The following TLN2 variants were observed in gnomAD, a reference collection of about 807,000 sequenced individuals.
TLN2 encodes talin-2.
A neutral mutation model predicts 294.7 loss-of-function variants in TLN2; 118 were observed. The ratio of observed to expected loss-of-function variants is 0.40; its 90% CI spans 0.34 to 0.47. The LOEUF (loss-of-function observed/expected upper bound fraction) is 0.47. TLN2 is among the 20% of genes least tolerant of loss of function. The pLI is 0.84. For synonymous variants in TLN2, 1,431 were observed against 1,304.5 expected (o/e 1.10, Z -2.09); for missense variants, 3,083 against 3,282.2 (o/e 0.94, Z 1.48).
intron 13 of TLN2, among the ~76,000 whole-genome samples, chr15:62,694,098 G>A (rs2058146166): frequency 1.3e-5 from 2 of 151,610 alleles, no homozygotes; most frequent in African/African-American, 4.9e-5. Context: ...TTCCGGTGTA[G>A]CTGGGATTAC....
chr15:62,549,552 G>A (rs1044520690), intron 1 of TLN2, among the ~76,000 whole-genome samples: 5 of 151,128 alleles, frequency 3.3e-5, no homozygotes, highest in African/African-American at 1.2e-4. Context: ...CAAGAACTCT[G>A]CTGGCCACTA....
intron 10 of TLN2, among the ~76,000 whole-genome samples, chr15:62,674,492 C>G (rs2055890991): frequency 6.8e-6 from 1 of 147,104 alleles, no homozygotes; most frequent in East Asian, 2.0e-4. Flanking sequence ...TGTATTTACC[C>G]TATTCTATGG....
At chr15:62,790,257 C>A (rs1460564197) in intron 45 of TLN2, among the ~76,000 whole-genome samples, 5 of 152,132 alleles carry the variant, frequency 3.3e-5, no homozygotes, top group African/African-American at 1.2e-4. Flanking sequence ...CATTTTAACT[C>A]ATAAAGGAAG....
chr15:62,707,286 C>G, intron 20 of TLN2, 33 bp downstream of exon 20: 1 of 1,569,790 alleles, frequency 6.4e-7, no homozygotes, highest in Non-Finnish European at 8.7e-7. Context: ...CCTTTCTACC[C>G]AGTATCACCT....
chr15:62,423,121 C>T (rs1266867227), intron 1 of TLN2, among the ~76,000 whole-genome samples: 2 of 152,170 alleles, frequency 1.3e-5, no homozygotes, highest in African/African-American at 2.4e-5. Context: ...GGACCTGGTG[C>T]GGTGGCTCAC....
chr15:62,709,083 C>T (rs759814897), intron 21 of TLN2, among the ~76,000 whole-genome samples: 6 of 152,120 alleles, frequency 3.9e-5, no homozygotes, highest in African/African-American at 7.2e-5. Context: ...GTGTTGGGTA[C>T]GGTATGGCAA....
chr15:62,523,438 T>C (rs747626434), intron 1 of TLN2, among the ~76,000 whole-genome samples: 5 of 152,248 alleles, frequency 3.3e-5, no homozygotes, highest in Non-Finnish European at 7.3e-5. Context: ...TGCTAGTGAA[T>C]AGCTGTATGT....
At chr15:62,826,745 C>T (rs1290195094) in intron 54 of TLN2, among the ~76,000 whole-genome samples, 1 of 152,220 alleles carries the variant, frequency 6.6e-6, no homozygotes, top group Non-Finnish European at 1.5e-5. Flanking sequence ...TGGCTGCCTG[C>T]TCCACTCCGG....
At chr15:62,590,619 C>G (rs919645705) in intron 2 of TLN2, among the ~76,000 whole-genome samples, 1 of 152,096 alleles carries the variant, frequency 6.6e-6, no homozygotes, top group Non-Finnish European at 1.5e-5. Context: ...TGCTGGAGCC[C>G]TCCATGGTTG....
In TLN2 at chr15:62,797,309, G is replaced by A. The variant is rs1425016426; in HGVS notation, c.6141G>A (p.Gln2047=). Residue 2047 remains glutamine, a synonymous_variant, in exon 48 of 59, where the codon CAG becomes CAA. Transcript: ENST00000636159. ...CGTCCACTCCTGACAAGCTGGCCCA[G>A]GCGGCCCAGTCCTCAGCAGCCACCA... ...GAASTPDKLA[Q]AAQSSAATIT... 6.2e-7 allele frequency: 1 copy of A among 1,613,798 alleles called. No homozygotes were observed. The highest frequency in any genetic ancestry group is 8.5e-7 in the Non-Finnish European group (1 of 1,180,016).
At chr15:62,395,984 C>T (rs1036821135) in intron 1 of TLN2, among the ~76,000 whole-genome samples, 2 of 151,940 alleles carry the variant, frequency 1.3e-5, no homozygotes, top group Admixed American at 6.6e-5. Context: ...TACAGGCACC[C>T]GCCACCACAC....
chr15:62,669,960 G>C (rs4594204), intron 9 of TLN2, among the ~76,000 whole-genome samples: 1 of 152,110 alleles, frequency 6.6e-6, no homozygotes, highest in African/African-American at 2.4e-5. Context: ...TCTGATGTTG[G>C]TTTTAGTAAC....
intron 3 of TLN2, among the ~76,000 whole-genome samples, chr15:62,639,734 G>T (rs551181872): frequency 3.6e-4 from 55 of 152,232 alleles, no homozygotes; most frequent in African/African-American, 1.2e-3. Context: ...GAGACTAGGG[G>T]AGCCTCTCCA....
chr15:62,575,861 C>T (rs984845897), intron 1 of TLN2, among the ~76,000 whole-genome samples: 1 of 152,202 alleles, frequency 6.6e-6, no homozygotes, highest in Non-Finnish European at 1.5e-5. Flanking sequence ...GCCCAGCCCT[C>T]CCTGCCTTGC....
intron 27 of TLN2, among the ~76,000 whole-genome samples, chr15:62,725,589 GTCC>G (rs961861895): frequency 1.1e-4 from 17 of 152,150 alleles, no homozygotes; most frequent in Non-Finnish European, 1.9e-4. Context: ...AACTTTACCA[GTCC>G]TCCTCATTTG....
intron 1 of TLN2, among the ~76,000 whole-genome samples, chr15:62,477,490 G>A (rs2037837683): frequency 6.6e-6 from 1 of 152,154 alleles, no homozygotes; most frequent in Non-Finnish European, 1.5e-5. Context: ...AACAGTAGGG[G>A]AACCTGTTAC....
intron 1 of TLN2, among the ~76,000 whole-genome samples, chr15:62,554,073 A>G (rs1486919717): frequency 6.6e-6 from 1 of 151,978 alleles, no homozygotes; most frequent in Non-Finnish European, 1.5e-5. Context: ...GTAGTTAATG[A>G]CTAGATGCAG....
intron 47 of TLN2, among the ~76,000 whole-genome samples, 187 bp downstream of exon 47, chr15:62,796,480 C>T (rs183943949): frequency 1.2e-4 from 18 of 152,282 alleles, no homozygotes; most frequent in Middle Eastern, 3.4e-3. Flanking sequence ...AACACAGTGT[C>T]GTGGTTCGAG....
intron 19 of TLN2, among the ~76,000 whole-genome samples, chr15:62,703,621 ACGCG>A (rs200251505): frequency 0.27 from 39,975 of 147,266 alleles, 5,774 homozygotes; most frequent in East Asian, 0.63. Flanking sequence ...ACACACACAC[ACGCG>A]CGCACACACA....
Sources: allele counts gnomAD v4.1 joint callset (sites outside exome capture counted in the v4.1 genomes callset), GRCh38; gene constraint gnomAD v4.1.1; transcripts MANE v1.5; gene names NCBI Gene and HGNC (gene_info 2026-07-23, HGNC 2026-07-21).